Variants in MICAL3 observed in about 807,000 individuals in gnomAD.
MICAL3 encodes microtubule associated monooxygenase, calponin and LIM domain containing 3.
In MICAL3, 62 loss-of-function variants were observed where a neutral mutation model predicts 207.4. The ratio of observed to expected loss-of-function variants is 0.30; its 90% CI spans 0.24 to 0.37. The LOEUF (loss-of-function observed/expected upper bound fraction) is 0.37. Ranked by LOEUF, MICAL3 falls within the 10% of genes least tolerant of loss-of-function variation. The pLI is 1.00. For synonymous variants in MICAL3, 1,077 were observed against 1,069.3 expected, an observed-to-expected ratio of 1.01 and a Z score of -0.14; for missense variants, 2,368 against 2,635.6, an observed-to-expected ratio of 0.90 and a Z score of 2.22.
At chr22:17,863,348 G>C (rs768255405) in intron 19 of MICAL3, 2 of 985,218 alleles carry the variant, frequency 2.0e-6, no homozygotes, top group Non-Finnish European at 2.4e-6. Flanking sequence ...ATAGGGCCCA[G>C]ACTAATAAGG....
chr22:17,905,905 C>G (rs995674810), intron 2 of MICAL3, among the ~76,000 whole-genome samples: 2 of 152,222 alleles, frequency 1.3e-5, no homozygotes, highest in Non-Finnish European at 2.9e-5. Context: ...TCACAAAGTC[C>G]TTGCTTATGA....
In MICAL3 at chr22:17,820,999, T is replaced by G. The variant is rs1485893141; in HGVS notation, c.3531+428A>C. Among the ~76,000 whole-genome samples the G allele has an allele frequency of 2.2e-5, 3 of 136,102 alleles. 1 individual carries two copies. The highest frequency in any genetic ancestry group is 5.0e-5 in the Non-Finnish European group (3 of 60,570). The allele number at this position is 136,102 out of a possible 152,430, so 89.3% of individuals were successfully genotyped here. ...TTATAAACATAAATTTTAATAAATT[T>G]ATATTTATAAACAATTTTAATACAC... On this transcript the variant is annotated intron_variant, in intron 25 of 31. Coordinates refer to ENST00000441493, the MANE Select transcript of MICAL3 (RefSeq NM_015241.3).
Position 17,880,391 on chromosome 22 carries a change from C to T in MICAL3, c.2241+5487G>A, listed in dbSNP as rs9617634. 4.0e-3 allele frequency among the ~76,000 whole-genome samples: 608 copies of T among 152,358 alleles called. 7 individuals are homozygous for T. Among genetic ancestry groups the T allele is most frequent in the African/African-American group, 0.014 (581 of 41,578 alleles). On this transcript the variant is annotated intron_variant, in intron 16 of 31. Coordinates refer to ENST00000441493, the MANE Select transcript of MICAL3 (RefSeq NM_015241.3). The stretch of plus-strand genomic sequence containing the variant: ...TCCAGGCGACAGCGGACGCTGAGGA[C>T]GGCTAGCTCTTGTGTAGATGAAGGC...
chr22:17,913,498 C>T (rs1276688138), intron 1 of MICAL3, among the ~76,000 whole-genome samples: 1 of 152,108 alleles, frequency 6.6e-6, no homozygotes, highest in Non-Finnish European at 1.5e-5. Context: ...ATGCAACAGT[C>T]AGCCTGGGCG....
At chr22:17,983,946 A>T (rs991571925) in intron 1 of MICAL3, among the ~76,000 whole-genome samples, 6 of 152,340 alleles carry the variant, frequency 3.9e-5, no homozygotes, top group Admixed American at 2.6e-4. Context: ...GAAGAAAAAA[A>T]TATGAAAAAG....
At chr22:17,984,924 G>GC (rs1936085407) in intron 1 of MICAL3, among the ~76,000 whole-genome samples, 1 of 152,056 alleles carries the variant, frequency 6.6e-6, no homozygotes, top group South Asian at 2.1e-4. Context: ...CAGAGCCCAG[G>GC]CCCTCCACCT....
At chr22:17,856,392 G>C (rs929922382) in intron 19 of MICAL3, among the ~76,000 whole-genome samples, 2 of 152,120 alleles carry the variant, frequency 1.3e-5, no homozygotes, top group Non-Finnish European at 2.9e-5. Flanking sequence ...AAGCCAGTGC[G>C]GACTCTTACC....
intron 19 of MICAL3, among the ~76,000 whole-genome samples, chr22:17,845,838 ACACAGCAC>A (rs1924578950): frequency 6.6e-6 from 1 of 152,190 alleles, no homozygotes; most frequent in South Asian, 2.1e-4. Context: ...TAGGTGAGGG[ACACAGCAC>A]TTCATGAAAG....
chr22:17,984,319 C>A (rs1190730911), intron 1 of MICAL3, among the ~76,000 whole-genome samples: 26 of 152,262 alleles, frequency 1.7e-4, no homozygotes. Context: ...CTGCTGCCAG[C>A]CAGGCCAACA....
chr22:17,916,147 A>G (rs1932502370), intron 1 of MICAL3, among the ~76,000 whole-genome samples: 1 of 151,762 alleles, frequency 6.6e-6, no homozygotes, highest in African/African-American at 2.4e-5. Flanking sequence ...CATGGTTCTC[A>G]GTTTCTCCAC....
intron 24 of MICAL3, 37 bp downstream of exon 24, chr22:17,821,993 T>A (rs759880922): frequency 2.0e-5 from 32 of 1,608,544 alleles, no homozygotes; most frequent in Non-Finnish European, 2.5e-5. Context: ...CTCGTAGGAA[T>A]TCTGAAAGTT....
chr22:17,893,715 A>G (rs572413374), intron 11 of MICAL3, 93 bp downstream of exon 11: 2 of 926,374 alleles, frequency 2.2e-6, no homozygotes, highest in East Asian at 2.6e-5. Flanking sequence ...TACTTCGGCC[A>G]CTGCCTCGGA....
At chr22:17,800,744 C>T (rs938786108) in intron 29 of MICAL3, among the ~76,000 whole-genome samples, 4 of 152,020 alleles carry the variant, frequency 2.6e-5, no homozygotes, top group Non-Finnish European at 5.9e-5. Flanking sequence ...TCGGGGTGGC[C>T]TTTTGGGGAT....
intron 21 of MICAL3, among the ~76,000 whole-genome samples, chr22:17,828,184 T>C (rs1407363724): frequency 2.0e-5 from 3 of 152,184 alleles, no homozygotes; most frequent in Non-Finnish European, 4.4e-5. Context: ...AGGACCTGCT[T>C]TGTCCCTAGC....
intron 1 of MICAL3, among the ~76,000 whole-genome samples, chr22:17,952,332 T>C (rs1431632166): frequency 6.6e-6 from 1 of 152,164 alleles, no homozygotes; most frequent in Non-Finnish European, 1.5e-5. Context: ...TGTGTTTTCA[T>C]TTCCTTGAGA....
At chr22:17,978,195 ATAT>A (rs1281823780) in intron 1 of MICAL3, among the ~76,000 whole-genome samples, 1 of 152,234 alleles carries the variant, frequency 6.6e-6, no homozygotes, top group Non-Finnish European at 1.5e-5. Context: ...ATAAAATGGA[ATAT>A]TATTCTGCCA....
chr22:17,820,306 C>T (rs2146014012), intron 25 of MICAL3, among the ~76,000 whole-genome samples: 1 of 152,276 alleles, frequency 6.6e-6, no homozygotes, highest in African/African-American at 2.4e-5. Context: ...GTTGGCTTTG[C>T]AGCATTCTCC....
chr22:17,981,928 C>A (rs1033120462), intron 1 of MICAL3, among the ~76,000 whole-genome samples: 2 of 151,948 alleles, frequency 1.3e-5, no homozygotes, highest in Admixed American at 6.6e-5. Context: ...CATAGTGAGA[C>A]CTTGCCTCTA....
intron 1 of MICAL3, among the ~76,000 whole-genome samples, chr22:18,003,745 C>T (rs1477462235): frequency 1.3e-5 from 2 of 152,070 alleles, no homozygotes; most frequent in Non-Finnish European, 2.9e-5. Context: ...AGCTTCCAAT[C>T]ACGCAGGGAG....
Sources: gnomAD v4.1 joint callset for allele counts (sites outside exome capture counted in the v4.1 genomes callset) on GRCh38, gnomAD v4.1.1 for gene constraint, MANE v1.5 for transcripts, NCBI Gene and HGNC (gene_info 2026-07-23, HGNC 2026-07-21) for gene names.